The following NBAS variants were observed in gnomAD, a reference collection of about 807,000 sequenced individuals.
NBAS encodes the protein NBAS subunit of NRZ tethering complex.
A neutral mutation model predicts 302.5 loss-of-function variants in NBAS; 219 were observed. The ratio of observed to expected loss-of-function variants is 0.72; its 90% CI spans 0.65 to 0.81. The LOEUF (loss-of-function observed/expected upper bound fraction) is 0.81, where lower values mean the gene tolerates loss of function less well. Among genes scored for constraint, NBAS ranks in the 30% least tolerant of loss-of-function variants. NBAS has a pLI of 0.00. For synonymous variants in NBAS, 1,118 were observed against 1,021.6 expected (o/e 1.09, Z -1.80); for missense variants, 2,932 against 2,841.6 (o/e 1.03, Z -0.72).
the NBAS span, among the ~76,000 whole-genome samples, chr2:15,057,715 T>TA: frequency 6.6e-6 from 1 of 152,218 alleles, no homozygotes; most frequent in African/African-American, 2.4e-5. Flanking sequence ...CTTAGAATAA[T>TA]AGTCTCTAAT....
intron 44 of NBAS, among the ~76,000 whole-genome samples, chr2:15,258,483 G>A (rs1181788327): frequency 6.6e-6 from 1 of 152,070 alleles, no homozygotes; most frequent in East Asian, 1.9e-4. Context: ...TCCTAGCAAG[G>A]AATATTAATA....
At chr2:14,785,952 G>A in the NBAS span, among the ~76,000 whole-genome samples, 1 of 152,106 alleles carries the variant, frequency 6.6e-6, no homozygotes, top group Non-Finnish European at 1.5e-5. Flanking sequence ...ATCTGGTCCT[G>A]GACTCTATTT....
chr2:14,911,526 G>C, the NBAS span, among the ~76,000 whole-genome samples: 2 of 152,156 alleles, frequency 1.3e-5, no homozygotes, highest in East Asian at 3.9e-4. Flanking sequence ...ATCGGTTTTA[G>C]AGTGAGGCAC....
At chr2:14,842,846 C>CAAAAAA in the NBAS span, among the ~76,000 whole-genome samples, 6 of 74,016 alleles carry the variant, frequency 8.1e-5, no homozygotes, top group Non-Finnish European at 1.5e-4. Context: ...CAGAAAATGA[C>CAAAAAA]AAAAAAAAAA....
intron 21 of NBAS, among the ~76,000 whole-genome samples, chr2:15,437,046 AT>A (rs1007396161): frequency 1.3e-5 from 2 of 152,102 alleles, no homozygotes; most frequent in Non-Finnish European, 2.9e-5. Context: ...TGTACAGCAG[AT>A]TTTTTTTCAA....
the NBAS span, among the ~76,000 whole-genome samples, chr2:15,003,954 T>A: frequency 6.6e-6 from 1 of 152,192 alleles, no homozygotes; most frequent in Non-Finnish European, 1.5e-5. Context: ...GCAAGATAAA[T>A]CAACTTGAGA....
the NBAS span, among the ~76,000 whole-genome samples, chr2:14,939,002 G>A: frequency 6.6e-6 from 1 of 152,180 alleles, no homozygotes; most frequent in African/African-American, 2.4e-5. Flanking sequence ...ACCCAAACAA[G>A]CTCACAAATA....
At chr2:14,910,464 C>T in the NBAS span, among the ~76,000 whole-genome samples, 1 of 152,214 alleles carries the variant, frequency 6.6e-6, no homozygotes, top group African/African-American at 2.4e-5. Flanking sequence ...TCTTTTTCAG[C>T]GTCAACCTGT....
At chr2:14,785,431 A>G in the NBAS span, among the ~76,000 whole-genome samples, 1 of 152,156 alleles carries the variant, frequency 6.6e-6, no homozygotes, top group African/African-American at 2.4e-5. Context: ...GTTTTTGCCC[A>G]TTCAGTATGA....
At chr2:14,986,052 C>T in the NBAS span, among the ~76,000 whole-genome samples, 1 of 152,040 alleles carries the variant, frequency 6.6e-6, no homozygotes, top group Non-Finnish European at 1.5e-5. Flanking sequence ...AAGCGCAATG[C>T]ATTTGGTTAG....
chr2:15,424,542 C>A, intron 22 of NBAS, 74 bp from the exon 23 acceptor site: 1 of 1,544,606 alleles, frequency 6.5e-7, no homozygotes, highest in South Asian at 1.1e-5. Context: ...GAGAGAAAGA[C>A]AGGGACAGAG....
At chr2:15,191,439 G>C (rs1034864567) in intron 48 of NBAS, among the ~76,000 whole-genome samples, 4 of 152,152 alleles carry the variant, frequency 2.6e-5, no homozygotes, top group Non-Finnish European at 4.4e-5. Flanking sequence ...TGTTCACACA[G>C]TGACCCACCA....
the NBAS span, among the ~76,000 whole-genome samples, chr2:14,867,317 T>C: frequency 6.6e-6 from 1 of 152,030 alleles, no homozygotes; most frequent in Non-Finnish European, 1.5e-5. Context: ...GGTTGAGGGG[T>C]AGTAGATTGG....
chr2:15,120,942 T>C, the NBAS span, among the ~76,000 whole-genome samples: 3 of 152,208 alleles, frequency 2.0e-5, no homozygotes, highest in African/African-American at 7.2e-5. Context: ...CCTAATAAAA[T>C]GCCTTTGTCA....
At chr2:15,099,251 G>T in the NBAS span, among the ~76,000 whole-genome samples, 3 of 151,976 alleles carry the variant, frequency 2.0e-5, no homozygotes, top group Non-Finnish European at 2.9e-5. Context: ...AGCCTAGATT[G>T]CTCCACTGCA....
At chr2:15,383,615 A>G (rs1010751945) in intron 28 of NBAS, among the ~76,000 whole-genome samples, 1 of 152,216 alleles carries the variant, frequency 6.6e-6, no homozygotes, top group African/African-American at 2.4e-5. Flanking sequence ...CAGTAAAGGT[A>G]AAGAAGCTGT....
the NBAS span, among the ~76,000 whole-genome samples, chr2:14,923,953 G>A: frequency 2.6e-5 from 4 of 152,100 alleles, 1 homozygote; most frequent in Admixed American, 1.3e-4. Context: ...CAGATGGAGG[G>A]AGAAAGTTGC....
intron 21 of NBAS, among the ~76,000 whole-genome samples, chr2:15,432,475 T>C (rs1677813892): frequency 6.6e-6 from 1 of 152,152 alleles, no homozygotes; most frequent in South Asian, 2.1e-4. Flanking sequence ...AGTTCTATTA[T>C]ATCCAACAAT....
chr2:15,042,087 G>C, the NBAS span, among the ~76,000 whole-genome samples: 5 of 152,184 alleles, frequency 3.3e-5, no homozygotes, highest in Non-Finnish European at 7.3e-5. Flanking sequence ...GATATTTCTG[G>C]AACTGAGGAT....
Sources: gnomAD v4.1 joint callset for allele counts (sites outside exome capture counted in the v4.1 genomes callset) on GRCh38, gnomAD v4.1.1 for gene constraint, MANE v1.5 for transcripts, NCBI Gene and HGNC (gene_info 2026-07-23, HGNC 2026-07-21) for gene names.